Variants in KIAA1328 observed in about 807,000 individuals in gnomAD.
KIAA1328 encodes the protein KIAA1328.
In KIAA1328, 52 loss-of-function variants were observed where a neutral mutation model predicts 68.1. The observed-to-expected ratio is 0.76, with a 90% confidence interval of 0.61 to 0.96. The LOEUF (loss-of-function observed/expected upper bound fraction) is 0.96. Ranked by LOEUF, KIAA1328 falls within the 40% of genes least tolerant of loss-of-function variation. KIAA1328 has a pLI of 0.00. For synonymous variants in KIAA1328, 232 were observed against 239.4 expected (o/e 0.97, Z 0.28); for missense variants, 641 against 677.6 (o/e 0.95, Z 0.60).
At chr18:37,032,640 GATTT>G (rs1294310866) in intron 6 of KIAA1328, among the ~76,000 whole-genome samples, 2 of 150,618 alleles carry the variant, frequency 1.3e-5, no homozygotes, top group African/African-American at 2.4e-5. Context: ...TGGCTTTCAT[GATTT>G]GTTTGTTTGT....
At chr18:36,894,601 T>G (rs577813136) in intron 5 of KIAA1328, among the ~76,000 whole-genome samples, 1 of 152,094 alleles carries the variant, frequency 6.6e-6, no homozygotes, top group African/African-American at 2.4e-5. Flanking sequence ...CATGGCTCAC[T>G]GCAGCCTTTA....
chr18:36,894,711 G>A (rs531717382), intron 5 of KIAA1328, among the ~76,000 whole-genome samples: 33 of 152,116 alleles, frequency 2.2e-4, no homozygotes, highest in Admixed American at 4.6e-4. Context: ...TTTTTGTAGA[G>A]ACGGGGTCTC....
chr18:36,959,216 T>C, intron 5 of KIAA1328, 92 bp from the exon 6 acceptor site: 1 of 1,201,760 alleles, frequency 8.3e-7, no homozygotes, highest in Non-Finnish European at 1.1e-6. Flanking sequence ...GCATTTCTGG[T>C]TCTGTTTTGT....
At chr18:37,202,158 A>G (rs972131940) in intron 9 of KIAA1328, among the ~76,000 whole-genome samples, 15 of 152,126 alleles carry the variant, frequency 9.9e-5, no homozygotes, top group African/African-American at 3.6e-4. Flanking sequence ...TAACAAAAGC[A>G]TACTTTACCC....
intron 9 of KIAA1328, among the ~76,000 whole-genome samples, chr18:37,219,727 G>A (rs925986061): frequency 4.6e-5 from 7 of 152,164 alleles, no homozygotes; most frequent in African/African-American, 1.4e-4. Flanking sequence ...TCCAGGTACT[G>A]CCTGTCATGG....
At chr18:36,878,018 C>T (rs11659660) in intron 4 of KIAA1328, among the ~76,000 whole-genome samples, 60,979 of 151,802 alleles carry the variant, frequency 0.4, 14,001 homozygotes, top group African/African-American at 0.63. Flanking sequence ...TTAAGGTTAA[C>T]ATTGTTATGT....
intron 6 of KIAA1328, among the ~76,000 whole-genome samples, chr18:37,039,954 G>A (rs2055181505): frequency 6.6e-6 from 1 of 152,092 alleles, no homozygotes; most frequent in Non-Finnish European, 1.5e-5. Flanking sequence ...GCAATGTAGG[G>A]CTGAGGTCTG....
intron 6 of KIAA1328, among the ~76,000 whole-genome samples, chr18:37,000,227 A>G (rs2053538979): frequency 6.6e-6 from 1 of 152,290 alleles, no homozygotes; most frequent in South Asian, 2.1e-4. Flanking sequence ...CAGATAAAAC[A>G]GACGTTAAGT....
chr18:37,069,504 G>C (rs943794352), intron 7 of KIAA1328, among the ~76,000 whole-genome samples: 1 of 151,880 alleles, frequency 6.6e-6, no homozygotes, highest in African/African-American at 2.4e-5. Context: ...GTCTTGTTTC[G>C]GTATCAAGGT....
At chr18:36,846,780 A>G (rs910072631) in intron 4 of KIAA1328, among the ~76,000 whole-genome samples, 12 of 151,480 alleles carry the variant, frequency 7.9e-5, no homozygotes, top group Non-Finnish European at 1.5e-4. Context: ...GTGGTAAAGT[A>G]CACCTAACAT....
At chr18:37,003,496 A>T (rs956912435) in intron 6 of KIAA1328, among the ~76,000 whole-genome samples, 1 of 152,034 alleles carries the variant, frequency 6.6e-6, no homozygotes, top group Non-Finnish European at 1.5e-5. Flanking sequence ...GCAGGAAAAA[A>T]ACTTGTATTA....
chr18:37,088,322 T>G (rs114314671), intron 7 of KIAA1328, among the ~76,000 whole-genome samples: 2,174 of 152,296 alleles, frequency 0.014, 50 homozygotes, highest in African/African-American at 0.05. Context: ...AGAATAGAGA[T>G]ACGTATTCAA....
At chr18:36,985,916 A>G (rs1312482843) in intron 6 of KIAA1328, among the ~76,000 whole-genome samples, 2 of 152,188 alleles carry the variant, frequency 1.3e-5, no homozygotes, top group South Asian at 2.1e-4. Context: ...CCACAATTAT[A>G]TACTATTACA....
At chr18:37,066,761 AATTTAAT>A in intron 6 of KIAA1328, 122 bp from the exon 7 acceptor site, 3 of 865,544 alleles carry the variant, frequency 3.5e-6, no homozygotes, top group Non-Finnish European at 5.2e-6. Flanking sequence ...TGAATGCTAT[AATTTAAT>A]ATTTAAGACA....
chr18:36,913,688 T>TA (rs148565414), intron 5 of KIAA1328, among the ~76,000 whole-genome samples: 43,717 of 151,990 alleles, frequency 0.29, 6,723 homozygotes, highest in South Asian at 0.48. Flanking sequence ...ATTTTCCCTT[T>TA]AAAAATCTTT....
At chr18:37,122,750 G>A (rs2058302904) in intron 7 of KIAA1328, among the ~76,000 whole-genome samples, 1 of 152,072 alleles carries the variant, frequency 6.6e-6, no homozygotes, top group Non-Finnish European at 1.5e-5. Flanking sequence ...GCTTACTATA[G>A]TACGGGAGGT....
At chr18:37,123,915 G>A (rs2058331142) in intron 7 of KIAA1328, among the ~76,000 whole-genome samples, 1 of 152,146 alleles carries the variant, frequency 6.6e-6, no homozygotes, top group Non-Finnish European at 1.5e-5. Context: ...CTGTTAATAA[G>A]CTTGCTAATC....
Position 36,907,493 on chromosome 18 carries a change from G to A in KIAA1328, c.448+21821G>A, listed in dbSNP as rs560183497. ...ATTCCTAGTGTGCTGATACTTTTTG[G>A]TTACAAGTGGATGTTGAATTTTCTT... On this transcript the variant is annotated intron_variant, in intron 5 of 9. Transcript: ENST00000280020. Among the ~76,000 whole-genome samples, 6 of 152,062 alleles carry A rather than the reference G, an allele frequency of 3.9e-5. No individual in the cohort carries two copies. The South Asian group carries it at 1.0e-3, about 26-fold the overall frequency.
At chr18:36,975,959 G>A (rs1311182598) in intron 6 of KIAA1328, among the ~76,000 whole-genome samples, 1 of 152,096 alleles carries the variant, frequency 6.6e-6, no homozygotes, top group Non-Finnish European at 1.5e-5. Context: ...GAAGTCCTCT[G>A]GATTAGGCAT....
Sources: gnomAD v4.1 joint callset for allele counts (sites outside exome capture counted in the v4.1 genomes callset) on GRCh38, gnomAD v4.1.1 for gene constraint, MANE v1.5 for transcripts, NCBI Gene and HGNC (gene_info 2026-07-23, HGNC 2026-07-21) for gene names.